TAF12: variants seen among roughly 807,000 people sequenced by gnomAD.
TAF12 encodes transcription initiation factor TFIID subunit 12.
In TAF12, 3 loss-of-function variants were observed where a neutral mutation model predicts 20.8. That is an observed-to-expected ratio of 0.14 (90% confidence interval 0.07 to 0.37). TAF12 has a LOEUF of 0.37. TAF12 is among the 10% of genes least tolerant of loss of function. TAF12 has a pLI of 1.00. For synonymous variants in TAF12, 69 were observed against 70.2 expected (o/e 0.98, Z 0.09); for missense variants, 131 against 197.9 (o/e 0.66, Z 2.03).
intron 1 of TAF12, among the ~76,000 whole-genome samples, chr1:28,639,242 CCCGT>C (rs1455579092): frequency 1.3e-5 from 2 of 151,054 alleles, no homozygotes; most frequent in Admixed American, 6.6e-5. Context: ...CATGGTGAAA[CCCGT>C]CTCTACTAAA....
At chr1:28,641,924 C>G (rs890536575) in intron 1 of TAF12, among the ~76,000 whole-genome samples, 1 of 151,972 alleles carries the variant, frequency 6.6e-6, no homozygotes, top group Admixed American at 6.6e-5. Flanking sequence ...AAATTATGAT[C>G]TAACTAACCA....
chr1:28,633,070 A>G (rs952164475), intron 1 of TAF12, among the ~76,000 whole-genome samples: 1 of 151,208 alleles, frequency 6.6e-6, no homozygotes, highest in Admixed American at 6.6e-5. Flanking sequence ...TCACCATGTT[A>G]GACTGGTCGC....
Position 28,603,509 on chromosome 1 carries a change from T to A in TAF12, c.*30A>T. 6.2e-7 allele frequency: 1 copy of A among 1,613,080 alleles called. No individual in the cohort carries two copies. Among genetic ancestry groups the A allele is most frequent in the South Asian group, 1.1e-5 (1 of 91,054 alleles). Reference sequence around the variant, plus strand: ...CTCAGCTCAAGTATCTCCAAATACATTGCTGTCCATTCCCTGACCTTTCCG... The same window carrying A: ...CTCAGCTCAAGTATCTCCAAATACAATGCTGTCCATTCCCTGACCTTTCCG... On this transcript the variant is annotated 3_prime_UTR_variant, in exon 6 of 6. Transcript: ENST00000373824.
At chr1:28,646,382 A>G (rs1668184692), upstream of TAF12, 1 of 152,196 alleles carries the variant, frequency 6.6e-6, no homozygotes, top group Non-Finnish European at 1.5e-5. Context: ...TCTGCTTCCT[A>G]TTACAATGTA....
chr1:28,605,273 G>A, intron 5 of TAF12, 99 bp downstream of exon 5: 1 of 1,260,456 alleles, frequency 7.9e-7, no homozygotes, highest in East Asian at 2.3e-5. Context: ...GCTGTGTGGA[G>A]GAAGCGAGGC....
chr1:28,625,882 G>A (rs1667366622), intron 1 of TAF12, among the ~76,000 whole-genome samples: 1 of 151,018 alleles, frequency 6.6e-6, no homozygotes, highest in Non-Finnish European at 1.5e-5. Context: ...ATCTTGCTAT[G>A]CTGCCTAGGC....
chr1:28,633,081 G>A (rs757716723), intron 1 of TAF12, among the ~76,000 whole-genome samples: 28 of 150,570 alleles, frequency 1.9e-4, no homozygotes, highest in Non-Finnish European at 3.8e-4. Context: ...GACTGGTCGC[G>A]AACTCCTGAC....
At chr1:28,622,680 G>A (rs937915807) in intron 1 of TAF12, among the ~76,000 whole-genome samples, 31 of 152,170 alleles carry the variant, frequency 2.0e-4, no homozygotes, top group African/African-American at 7.5e-4. Context: ...CTTGAGACAG[G>A]AGTTCAAGAC....
intron 1 of TAF12, among the ~76,000 whole-genome samples, chr1:28,629,929 C>T (rs772419443): frequency 1.3e-5 from 2 of 151,776 alleles, no homozygotes; most frequent in African/African-American, 2.4e-5. Flanking sequence ...TGCAAGGCAC[C>T]GCACCCAACT....
chr1:28,630,296 G>A (rs1332126406), intron 1 of TAF12, among the ~76,000 whole-genome samples: 9 of 152,192 alleles, frequency 5.9e-5, no homozygotes, highest in Admixed American at 2.6e-4. Flanking sequence ...AGTGGCTCAC[G>A]CCTGTAATTT....
At chr1:28,606,686 A>C (rs1666679047) in intron 4 of TAF12, among the ~76,000 whole-genome samples, 1 of 152,214 alleles carries the variant, frequency 6.6e-6, no homozygotes. Flanking sequence ...GAAAATAAAT[A>C]TCATTTATTT....
At chr1:28,607,621 G>T (rs544913497) in intron 4 of TAF12, among the ~76,000 whole-genome samples, 1 of 152,058 alleles carries the variant, frequency 6.6e-6, no homozygotes, top group Non-Finnish European at 1.5e-5. Flanking sequence ...GCAGTGAGCT[G>T]AGACGGCACC....
chr1:28,647,456 A>G (rs1668224774), upstream of TAF12, among the ~76,000 whole-genome samples: 1 of 151,702 alleles, frequency 6.6e-6, no homozygotes, highest in African/African-American at 2.4e-5. Context: ...CCCAGTTAAT[A>G]TTTTATTTTG....
rs1668090202 is a variant in TAF12, at chr1:28,643,030, G to A, written c.-123C>T. 9 of 985,888 alleles carry A rather than the reference G, an allele frequency of 9.1e-6. No homozygotes were observed. Among genetic ancestry groups the A allele is most frequent in the Non-Finnish European group, 1.1e-5 (9 of 829,958 alleles). The allele number at this position is 985,888 out of a possible 1,614,324, so 61.1% of individuals were successfully genotyped here. A position where few individuals can be genotyped will look rare whatever the true frequency, so the allele number is the denominator to read the frequency against. ...TATCTCCCCATGATATGCAGAGACT[G>A]CCCCAGTGAAGCGTTCGTCTCAGCA... On this transcript the variant is annotated 5_prime_UTR_variant, in exon 1 of 6. Coordinates refer to ENST00000373824, the MANE Select transcript of TAF12 (RefSeq NM_005644.4).
chr1:28,605,239 C>T (rs370037323), intron 5 of TAF12, 133 bp downstream of exon 5: 2 of 841,826 alleles, frequency 2.4e-6, no homozygotes, highest in East Asian at 2.5e-5. Context: ...CCCTCTCTGA[C>T]CCTTGCTCCA....
At chr1:28,606,742 C>T (rs1666681158) in intron 4 of TAF12, among the ~76,000 whole-genome samples, 1 of 152,152 alleles carries the variant, frequency 6.6e-6, no homozygotes, top group Non-Finnish European at 1.5e-5. Context: ...CCTCTCACAC[C>T]TAAGGGACAT....
chr1:28,629,155 GA>G (rs1557469629), intron 1 of TAF12, among the ~76,000 whole-genome samples: 1 of 152,128 alleles, frequency 6.6e-6, no homozygotes, highest in Non-Finnish European at 1.5e-5. Context: ...ATAAGAAACT[GA>G]TAACAGAGGG....
chr1:28,647,138 A>G (rs1290000347), upstream of TAF12, among the ~76,000 whole-genome samples: 1 of 152,024 alleles, frequency 6.6e-6, no homozygotes, highest in Admixed American at 6.6e-5. Flanking sequence ...CTGGCCTGAA[A>G]ACATTTATTT....
intron 1 of TAF12, among the ~76,000 whole-genome samples, chr1:28,638,753 T>C (rs1667929318): frequency 6.6e-6 from 1 of 151,080 alleles, no homozygotes; most frequent in Non-Finnish European, 1.5e-5. Flanking sequence ...CCCAAAGTGC[T>C]AGGATTACAG....
Sources: allele counts gnomAD v4.1 joint callset (sites outside exome capture counted in the v4.1 genomes callset), GRCh38; gene constraint gnomAD v4.1.1; transcripts MANE v1.5; gene names NCBI Gene and HGNC (gene_info 2026-07-23, HGNC 2026-07-21).